PLXNA2: variants seen among roughly 807,000 people sequenced by gnomAD.
The protein encoded by PLXNA2 is plexin A2.
A neutral mutation model predicts 193.5 loss-of-function variants in PLXNA2; 91 were observed. The ratio of observed to expected loss-of-function variants is 0.47; its 90% CI spans 0.40 to 0.56. The LOEUF (loss-of-function observed/expected upper bound fraction) is 0.56. Ranked by LOEUF, PLXNA2 falls within the 20% of genes least tolerant of loss-of-function variation. The pLI, the probability that PLXNA2 is intolerant of heterozygous loss-of-function variation, is 0.00. For synonymous variants in PLXNA2, 997 were observed against 1,027.3 expected (o/e 0.97, Z 0.56); for missense variants, 1,995 against 2,503.2 (o/e 0.80, Z 4.33).
At chr1:208,177,133 G>T (rs1245489629) in intron 3 of PLXNA2, among the ~76,000 whole-genome samples, 1 of 152,036 alleles carries the variant, frequency 6.6e-6, no homozygotes, top group Non-Finnish European at 1.5e-5. Flanking sequence ...TTTCTGTCTT[G>T]GTACTATTCT....
At chr1:208,221,377 T>C (rs1459173045) in intron 1 of PLXNA2, among the ~76,000 whole-genome samples, 1 of 143,988 alleles carries the variant, frequency 6.9e-6, no homozygotes, top group African/African-American at 2.6e-5. Context: ...TTTTTTCTTT[T>C]TCTGTTTTTT....
intron 4 of PLXNA2, among the ~76,000 whole-genome samples, chr1:208,136,360 T>C (rs1668301174): frequency 6.6e-6 from 1 of 152,244 alleles, no homozygotes; most frequent in Non-Finnish European, 1.5e-5. Flanking sequence ...CTAGTACATC[T>C]AGGACATTCG....
At chr1:208,073,630 C>T (rs1666041849) in intron 12 of PLXNA2, among the ~76,000 whole-genome samples, 1 of 152,160 alleles carries the variant, frequency 6.6e-6, no homozygotes, top group African/African-American at 2.4e-5. Flanking sequence ...CTTGTCTCCT[C>T]AAAATTCATA....
intron 4 of PLXNA2, among the ~76,000 whole-genome samples, chr1:208,119,904 G>C (rs546568560): frequency 6.6e-6 from 1 of 152,206 alleles, no homozygotes; most frequent in Admixed American, 6.5e-5. Context: ...ATGAGCCACC[G>C]CACCTGGCCT....
At chr1:208,205,168 G>A (rs1317460397) in intron 3 of PLXNA2, among the ~76,000 whole-genome samples, 1 of 152,152 alleles carries the variant, frequency 6.6e-6, no homozygotes, top group Non-Finnish European at 1.5e-5. Context: ...TTGCCCCATG[G>A]CATGAGCTTG....
intron 13 of PLXNA2, among the ~76,000 whole-genome samples, chr1:208,057,710 C>T (rs557469937): frequency 6.6e-6 from 1 of 152,304 alleles, no homozygotes. Flanking sequence ...GCTGGAGATG[C>T]CTAGATTCTC....
intron 14 of PLXNA2, among the ~76,000 whole-genome samples, chr1:208,052,931 C>T (rs947055198): frequency 1.3e-5 from 2 of 151,824 alleles, no homozygotes; most frequent in African/African-American, 4.8e-5. Flanking sequence ...CTGTCCTTCC[C>T]TGAGCATAAG....
chr1:208,222,709 C>G (rs1294264219), intron 1 of PLXNA2, among the ~76,000 whole-genome samples: 3 of 152,202 alleles, frequency 2.0e-5, no homozygotes, highest in Non-Finnish European at 2.9e-5. Flanking sequence ...TCCTATTGCC[C>G]TTTTCAGGAG....
rs899256889 is a variant in PLXNA2 at position 208,111,559 on chromosome 1, G to A, written c.1507-8312C>T. Among the ~76,000 whole-genome samples, 3 of 152,092 alleles carry A rather than the reference G, an allele frequency of 2.0e-5. No individual in the cohort carries two copies. The East Asian group carries it at 5.8e-4, about 29-fold the overall frequency. ...CAGCTGTGTCGCCATGGGCACTCCG[G>A]TTATGCCTCAAGCCCTCATCTCCTT... On this transcript the variant is annotated intron_variant, in intron 4 of 31. Coordinates refer to ENST00000367033, the MANE Select transcript of PLXNA2 (RefSeq NM_025179.4).
At chr1:208,120,034 CAG>C (rs1234239646) in intron 4 of PLXNA2, among the ~76,000 whole-genome samples, 3 of 152,146 alleles carry the variant, frequency 2.0e-5, no homozygotes, top group Non-Finnish European at 4.4e-5. Flanking sequence ...CTTTTGGGGA[CAG>C]GGGTCACTGG....
At chr1:208,088,464 G>A (rs1453872102) in intron 9 of PLXNA2, among the ~76,000 whole-genome samples, 2 of 152,262 alleles carry the variant, frequency 1.3e-5, no homozygotes, top group African/African-American at 2.4e-5. Flanking sequence ...GGGCATAAAG[G>A]AGATATTTAT....
intron 12 of PLXNA2, among the ~76,000 whole-genome samples, chr1:208,071,312 T>C (rs1665970019): frequency 6.6e-6 from 1 of 152,232 alleles, no homozygotes; most frequent in African/African-American, 2.4e-5. Flanking sequence ...AGGAGCCCCC[T>C]AATCAGGACC....
chr1:208,083,667 G>T (rs1236954308), intron 10 of PLXNA2, among the ~76,000 whole-genome samples: 1 of 151,720 alleles, frequency 6.6e-6, no homozygotes, highest in Non-Finnish European at 1.5e-5. Context: ...CTCATCTCCA[G>T]CTGACCCCCC....
chr1:208,176,756 C>T (rs559364750), intron 3 of PLXNA2, among the ~76,000 whole-genome samples: 7 of 152,226 alleles, frequency 4.6e-5, no homozygotes, highest in Non-Finnish European at 8.8e-5. Context: ...TCACTTGCTC[C>T]AAAGACCTTA....
chr1:208,185,520 T>C (rs1669964447), intron 3 of PLXNA2, among the ~76,000 whole-genome samples: 1 of 151,876 alleles, frequency 6.6e-6, no homozygotes, highest in Non-Finnish European at 1.5e-5. Flanking sequence ...AGTCATCAGT[T>C]TGATGGTTCC....
At chr1:208,174,737 C>T (rs959644937) in intron 3 of PLXNA2, among the ~76,000 whole-genome samples, 1 of 152,142 alleles carries the variant, frequency 6.6e-6, no homozygotes, top group African/African-American at 2.4e-5. Flanking sequence ...AAACTCAAAC[C>T]CCACAATGCA....
At chr1:208,080,395 A>G (rs754196846) in intron 11 of PLXNA2, among the ~76,000 whole-genome samples, 56 of 152,208 alleles carry the variant, frequency 3.7e-4, no homozygotes, top group Non-Finnish European at 7.2e-4. Flanking sequence ...CTTCAGGTTC[A>G]GGAACCTGGT....
At chr1:208,141,124 A>C (rs142837960) in intron 4 of PLXNA2, among the ~76,000 whole-genome samples, 29 of 152,310 alleles carry the variant, frequency 1.9e-4, no homozygotes, top group East Asian at 7.7e-4. Flanking sequence ...GTTCAAGAGG[A>C]TCTGGATATA....
At chr1:208,221,070 GA>G (rs1363211585) in intron 1 of PLXNA2, among the ~76,000 whole-genome samples, 1 of 152,200 alleles carries the variant, frequency 6.6e-6, no homozygotes, top group African/African-American at 2.4e-5. Context: ...CTGATGTCTA[GA>G]AGGCATGAGG....
Sources: gnomAD v4.1 joint callset for allele counts (sites outside exome capture counted in the v4.1 genomes callset) on GRCh38, gnomAD v4.1.1 for gene constraint, MANE v1.5 for transcripts, NCBI Gene and HGNC (gene_info 2026-07-23, HGNC 2026-07-21) for gene names.